The following THSD4 variants were observed in gnomAD, a reference collection of about 807,000 sequenced individuals.
THSD4 encodes thrombospondin type 1 domain containing 4, also known as thrombospondin type-1 domain-containing protein 4.
In THSD4, 69 loss-of-function variants were observed where a neutral mutation model predicts 119.0. That is an observed-to-expected ratio of 0.58 (90% CI 0.48 to 0.71). The LOEUF (loss-of-function observed/expected upper bound fraction) is 0.71. THSD4 is among the 30% of genes least tolerant of loss of function. The pLI, the probability that THSD4 is intolerant of heterozygous loss-of-function variation, is 0.00. For missense variants in THSD4, 1,393 were observed against 1,391.1 expected (o/e 1.00, Z -0.02); for synonymous variants, 524 against 540.4 (o/e 0.97, Z 0.42).
At chr15:71,467,871 C>T (rs1351494427) in intron 7 of THSD4, among the ~76,000 whole-genome samples, 109 of 142,876 alleles carry the variant, frequency 7.6e-4, no homozygotes, top group African/African-American at 2.1e-3. Context: ...TTTTTTGAGA[C>T]GGAGTTTTGC....
At chr15:71,706,264 C>G (rs1184888766) in intron 8 of THSD4, among the ~76,000 whole-genome samples, 5 of 152,094 alleles carry the variant, frequency 3.3e-5, no homozygotes, top group African/African-American at 1.2e-4. Context: ...TGATTCGCTG[C>G]TAGGGGTAAA....
intron 6 of THSD4, among the ~76,000 whole-genome samples, chr15:71,347,908 A>T (rs556651471): frequency 1.3e-5 from 2 of 152,166 alleles, no homozygotes; most frequent in Non-Finnish European, 2.9e-5. Context: ...CCTTCATGCT[A>T]ACTAGCCCGT....
chr15:71,743,371 C>T (rs943675402), intron 11 of THSD4, among the ~76,000 whole-genome samples: 4 of 152,286 alleles, frequency 2.6e-5, no homozygotes, highest in African/African-American at 9.6e-5. Context: ...AAGCTAAACC[C>T]GCATGGTCTG....
intron 8 of THSD4, among the ~76,000 whole-genome samples, chr15:71,661,397 A>ATT (rs1340411907): frequency 1.9e-4 from 21 of 112,370 alleles, no homozygotes; most frequent in African/African-American, 4.1e-4. Context: ...TTATTTATTT[A>ATT]TTTATTTTTT....
chr15:71,636,830 T>C (rs2050754233), intron 7 of THSD4, among the ~76,000 whole-genome samples: 1 of 152,086 alleles, frequency 6.6e-6, no homozygotes, highest in African/African-American at 2.4e-5. Context: ...CTGCGAGGCA[T>C]GTGAGAAATC....
intron 3 of THSD4, chr15:71,185,495 G>A (rs2043590098): frequency 6.7e-6 from 1 of 148,404 alleles, no homozygotes; most frequent in South Asian, 2.2e-4. Flanking sequence ...CCGTGGCTTT[G>A]AGAGCATTGT....
intron 6 of THSD4, among the ~76,000 whole-genome samples, chr15:71,302,587 G>A (rs2044967413): frequency 6.6e-6 from 1 of 152,144 alleles, no homozygotes; most frequent in Non-Finnish European, 1.5e-5. Context: ...GTGGGAGTGG[G>A]GGTGGGGTGC....
intron 17 of THSD4, among the ~76,000 whole-genome samples, chr15:71,776,083 G>T (rs1232379983): frequency 6.6e-6 from 1 of 152,182 alleles, no homozygotes; most frequent in African/African-American, 2.4e-5. Context: ...ATTCCTGGTG[G>T]ATTAGTCAAA....
At chr15:71,613,872 T>C (rs1028534180) in intron 7 of THSD4, among the ~76,000 whole-genome samples, 21 of 152,226 alleles carry the variant, frequency 1.4e-4, no homozygotes, top group African/African-American at 5.1e-4. Flanking sequence ...ATCTGGGCTT[T>C]GTATATCTGT....
chr15:71,408,267 C>G (rs1278056317), intron 6 of THSD4, among the ~76,000 whole-genome samples: 2 of 152,164 alleles, frequency 1.3e-5, no homozygotes, highest in African/African-American at 4.8e-5. Context: ...TGCTCTTGCT[C>G]TGTCATCCAG....
At chr15:71,147,286 CCT>C (rs2040672024) in intron 2 of THSD4, among the ~76,000 whole-genome samples, 1 of 152,140 alleles carries the variant, frequency 6.6e-6, no homozygotes, top group Non-Finnish European at 1.5e-5. Context: ...CTCACTGCCA[CCT>C]CAAATGCCTG....
chr15:71,361,674 A>G (rs1426625006), intron 6 of THSD4, among the ~76,000 whole-genome samples: 1 of 152,234 alleles, frequency 6.6e-6, no homozygotes, highest in Non-Finnish European at 1.5e-5. Flanking sequence ...ATTTGGAGGC[A>G]GAAATAAATG....
At chr15:71,661,322 C>G (rs2051300946) in intron 8 of THSD4, among the ~76,000 whole-genome samples, 1 of 152,168 alleles carries the variant, frequency 6.6e-6, no homozygotes, top group Admixed American at 6.5e-5. Context: ...TTTGTTGATA[C>G]TTCCTTCTGG....
intron 3 of THSD4, among the ~76,000 whole-genome samples, chr15:71,193,852 A>C (rs1214922519): frequency 2.0e-5 from 3 of 152,008 alleles, no homozygotes. Flanking sequence ...CTGGGACTAC[A>C]GGCGCCCGCC....
chr15:71,336,382 A>T (rs2045489980), intron 6 of THSD4, among the ~76,000 whole-genome samples: 1 of 152,266 alleles, frequency 6.6e-6, no homozygotes, highest in African/African-American at 2.4e-5. Context: ...AATTCAAGTT[A>T]TAGAAAAGTT....
intron 7 of THSD4, among the ~76,000 whole-genome samples, chr15:71,588,482 G>C (rs958943315): frequency 2.0e-5 from 3 of 151,904 alleles, no homozygotes; most frequent in Non-Finnish European, 4.4e-5. Flanking sequence ...GGAGTACAGT[G>C]ATGCAGTCTC....
chr15:71,353,043 T>TA (rs1415440689), intron 6 of THSD4, among the ~76,000 whole-genome samples: 1 of 152,202 alleles, frequency 6.6e-6, no homozygotes, highest in African/African-American at 2.4e-5. Context: ...TTGCAGGCGA[T>TA]AACTCACATT....
chr15:71,368,656 G>A, intron 6 of THSD4, among the ~76,000 whole-genome samples: 1 of 152,074 alleles, frequency 6.6e-6, no homozygotes, highest in Non-Finnish European at 1.5e-5. Context: ...CTCTGTTTTG[G>A]TACCAGTACC....
intron 8 of THSD4, among the ~76,000 whole-genome samples, chr15:71,702,190 G>A (rs1042899488): frequency 9.9e-5 from 15 of 152,014 alleles, no homozygotes; most frequent in Non-Finnish European, 2.1e-4. Flanking sequence ...TCGTCCAGGG[G>A]CCCCCCAGAA....
Sources: gnomAD v4.1 joint callset for allele counts (sites outside exome capture counted in the v4.1 genomes callset) on GRCh38, gnomAD v4.1.1 for gene constraint, MANE v1.5 for transcripts, NCBI Gene and HGNC (gene_info 2026-07-23, HGNC 2026-07-21) for gene names.